JKAMP: variants seen among roughly 807,000 people sequenced by gnomAD.
JKAMP encodes the protein JNK1/MAPK8 associated membrane protein, also known as JNK1/MAPK8-associated membrane protein.
JKAMP carries 20 observed loss-of-function variants against 40.2 expected under a neutral mutation model. The observed-to-expected ratio is 0.50, with a 90% CI of 0.35 to 0.72. The LOEUF is 0.72. Ranked by LOEUF, JKAMP falls within the 30% of genes least tolerant of loss-of-function variation. The pLI is 0.01. For synonymous variants in JKAMP, 138 were observed against 131.6 expected (o/e 1.05, Z -0.33); for missense variants, 276 against 373.0 (o/e 0.74, Z 2.14).
chr14:59,493,288 A>G (rs557464273), intron 3 of JKAMP, among the ~76,000 whole-genome samples: 28 of 152,304 alleles, frequency 1.8e-4, no homozygotes, highest in Admixed American at 1.4e-3. Context: ...ACCAAGGCAC[A>G]CCTGTTAACA....
At chr14:59,485,112 G>C (rs1294561252) in intron 1 of JKAMP, 1 of 1,598,378 alleles carries the variant, frequency 6.3e-7, no homozygotes, top group Admixed American at 1.7e-5. Context: ...CCTGGGTTTT[G>C]CTTAGTAAGT....
Position 59,504,508 on chromosome 14 carries a change from T to A in JKAMP, c.*436T>A, listed in dbSNP as rs978248418. On this transcript the variant is annotated 3_prime_UTR_variant, in exon 7 of 7. Coordinates refer to ENST00000616435, the MANE Select transcript of JKAMP (RefSeq NM_016475.5). ...TAATGAATTGTAAAAACAAACATAC[T>A]TGTGGGGTCTGATAGCAAACATAGA... 1 of 157,216 alleles carries A rather than the reference T, an allele frequency of 6.4e-6. No individual in the cohort carries two copies. The highest frequency in any genetic ancestry group is 2.4e-5 in the African/African-American group (1 of 41,608). 9.7% of individuals were successfully genotyped at this position (157,216 alleles called of 1,614,324 possible).
rs1399068071 is a variant in JKAMP, at chr14:59,484,645, T to C, written c.4+52T>C. The C allele has an allele frequency of 1.2e-5, 19 of 1,563,904 alleles. No individual in the cohort carries two copies. In the Admixed American group the frequency reaches 3.6e-4, roughly 29 times the overall value. ...GCGTTTCTGGTAGTCCCGACTACTT[T>C]CCTACACGGCTGGCCTCGGGCTCGG... On this transcript the variant is annotated intron_variant, in intron 1 of 6. Coordinates refer to ENST00000616435, the MANE Select transcript of JKAMP (RefSeq NM_016475.5).
chr14:59,488,183 T>A (rs1022278646), intron 3 of JKAMP, among the ~76,000 whole-genome samples: 7 of 151,944 alleles, frequency 4.6e-5, no homozygotes, highest in African/African-American at 1.7e-4. Flanking sequence ...TCTAGTATGA[T>A]GTAGTTAAAA....
intron 4 of JKAMP, among the ~76,000 whole-genome samples, chr14:59,496,211 C>T (rs1397933926): frequency 6.6e-6 from 1 of 151,890 alleles, no homozygotes; most frequent in Non-Finnish European, 1.5e-5. Flanking sequence ...CGGCCTCTCC[C>T]TGCCAGTTCT....
chr14:59,487,961 T>G, intron 3 of JKAMP, 133 bp downstream of exon 3: 1 of 859,876 alleles, frequency 1.2e-6, no homozygotes, highest in Non-Finnish European at 1.8e-6. Context: ...TTCAGATTAT[T>G]CTTAACTGTG....
intron 5 of JKAMP, 34 bp downstream of exon 5, chr14:59,498,942 T>C (rs1461830150): frequency 3.0e-6 from 4 of 1,314,492 alleles, no homozygotes; most frequent in Non-Finnish European, 4.2e-6. Flanking sequence ...TGAAATATAT[T>C]TATTATTGTA....
Position 59,504,405 on chromosome 14 carries a change from T to C in JKAMP, c.*333T>C, listed in dbSNP as rs1017800203. 3 of 241,748 alleles carry C rather than the reference T, an allele frequency of 1.2e-5. No individual in the cohort carries two copies. Among genetic ancestry groups the C allele is most frequent in the African/African-American group, 6.7e-5 (3 of 44,494 alleles). The allele number at this position is 241,748 out of a possible 1,614,324, so 15.0% of individuals were successfully genotyped here. A position where few individuals can be genotyped will look rare whatever the true frequency, so the allele number is the denominator to read the frequency against. On this transcript the variant is annotated 3_prime_UTR_variant, in exon 7 of 7. Coordinates refer to ENST00000616435, the MANE Select transcript of JKAMP (RefSeq NM_016475.5). Reference sequence around the variant, plus strand: ...GTGTTCCCATTTTATTAAGAAAAGCTTTAACACGTGTAATCTGCAGTCCTT... The same window carrying C: ...GTGTTCCCATTTTATTAAGAAAAGCCTTAACACGTGTAATCTGCAGTCCTT...
At chr14:59,486,923 A>T in intron 2 of JKAMP, 119 bp downstream of exon 2, 1 of 736,552 alleles carries the variant, frequency 1.4e-6, no homozygotes. Flanking sequence ...ATGGAGGACC[A>T]GGCGCAGTGG....
Position 59,487,719 on chromosome 14 carries a change from C to T in JKAMP, c.142C>T (p.Pro48Ser), listed in dbSNP as rs752777767. The T allele has an allele frequency of 2.9e-5, 46 of 1,613,034 alleles. No individual in the cohort carries two copies. The highest frequency in any genetic ancestry group is 3.7e-5 in the Non-Finnish European group (44 of 1,179,270). The change falls in exon 3 of 7, where the codon CCT becomes TCT. Residue 48 changes from proline to serine, a missense_variant. Physicochemically the swap from Pro to Ser is moderately conservative, Grantham distance 74. Transcript: ENST00000616435. ...QRTNAQKYCQPCTESPELYDW... is the reference protein window; with the variant it reads ...QRTNAQKYCQSCTESPELYDW... ...AACGAATGCACAGAAATATTGTCAG[C>T]CTTGCACAGAATCTCCTGAACTTTA... is the stretch of plus-strand genomic sequence containing the variant.
Position 59,503,749 on chromosome 14 carries a change from T to A in JKAMP, c.718-105T>A, listed in dbSNP as rs976425251. The A allele has an allele frequency of 1.6e-5, 11 of 699,576 alleles. No homozygotes were observed. The African/African-American group carries it at 1.8e-4, about 11-fold the overall frequency. The allele number at this position is 699,576 out of a possible 1,614,324, so 43.3% of individuals were successfully genotyped here. ...TTTTAGCTCAAACATTTTATGATTC[T>A]GAGATTATAAATAATACATTTTATA... On this transcript the variant is annotated intron_variant, in intron 6 of 6. Transcript: ENST00000616435.
chr14:59,491,154 AACCC>A (rs1890969083), intron 3 of JKAMP, among the ~76,000 whole-genome samples: 1 of 152,240 alleles, frequency 6.6e-6, no homozygotes, highest in Non-Finnish European at 1.5e-5. Context: ...AACTGGGGAT[AACCC>A]CTGAGCTGAT....
intron 3 of JKAMP, among the ~76,000 whole-genome samples, chr14:59,493,215 C>T (rs1014456783): frequency 4.6e-5 from 7 of 152,280 alleles, no homozygotes; most frequent in Non-Finnish European, 8.8e-5. Context: ...GAAATTCACA[C>T]CTGCATGCAT....
chr14:59,491,020 A>C (rs1890954349), intron 3 of JKAMP, among the ~76,000 whole-genome samples: 1 of 152,330 alleles, frequency 6.6e-6, no homozygotes, highest in East Asian at 1.9e-4. Flanking sequence ...GAGTTGTACA[A>C]CTGTGCTTTG....
rs1457466455 is a variant in JKAMP, at chr14:59,495,014, C to G, written c.252-4C>G. ...TAGTAATCATGCCTCTTTTCCTTCT[C>G]TAGTTCCAGCGCACTTTTCCAACAC... On this transcript the variant is annotated splice_region_variant and splice_polypyrimidine_tract_variant and intron_variant, in intron 3 of 6. Transcript: ENST00000616435. The G allele has an allele frequency of 6.2e-7, 1 of 1,610,598 alleles. No homozygotes were observed. The highest frequency in any genetic ancestry group is 8.5e-7 in the Non-Finnish European group (1 of 1,177,136).
At position 59,486,815 on chromosome 14, in the gene JKAMP, T is replaced by C. The variant is rs373841828; in HGVS notation, c.96+11T>C. ...TATGGAGAATGTGGGGTAAGTCTTA[T>C]GTTTGTATCTTATTTCATTTTGTAA... On this transcript the variant is annotated intron_variant, in intron 2 of 6. Coordinates refer to ENST00000616435, the MANE Select transcript of JKAMP (RefSeq NM_016475.5). The C allele has an allele frequency of 1.5e-5, 22 of 1,444,382 alleles. No individual in the cohort carries two copies. The highest frequency in any genetic ancestry group is 2.1e-5 in the Admixed American group (1 of 47,686). The allele number at this position is 1,444,382 out of a possible 1,614,324, so 89.5% of individuals were successfully genotyped here. A position where few individuals can be genotyped will look rare whatever the true frequency, so the allele number is the denominator to read the frequency against.
chr14:59,487,913 C>A, intron 3 of JKAMP, 85 bp downstream of exon 3: 1 of 1,244,350 alleles, frequency 8.0e-7, no homozygotes. Context: ...AATTATGCTT[C>A]TTCTGTTTTA....
At chr14:59,492,540 C>G (rs574291726) in intron 3 of JKAMP, among the ~76,000 whole-genome samples, 97 of 152,222 alleles carry the variant, frequency 6.4e-4, no homozygotes, top group African/African-American at 2.3e-3. Flanking sequence ...CATGGTATCC[C>G]CATCAGGCAT....
At chr14:59,502,811 G>A (rs1892034908) in intron 6 of JKAMP, among the ~76,000 whole-genome samples, 1 of 87,554 alleles carries the variant, frequency 1.1e-5, no homozygotes, top group Admixed American at 1.8e-4. Context: ...GAGTGCAGTG[G>A]TGCAGTCTTG....
Sources: allele counts gnomAD v4.1 joint callset (sites outside exome capture counted in the v4.1 genomes callset), GRCh38; gene constraint gnomAD v4.1.1; transcripts MANE v1.5; gene names NCBI Gene and HGNC (gene_info 2026-07-23, HGNC 2026-07-21).